MAMLD1: variants seen among roughly 807,000 people sequenced by gnomAD.
MAMLD1 encodes mastermind like domain containing 1, also known as mastermind-like domain-containing protein 1.
MAMLD1 carries 14 observed loss-of-function variants against 45.0 expected under a neutral mutation model. That is an observed-to-expected ratio of 0.31 (90% CI 0.21 to 0.49). The LOEUF (loss-of-function observed/expected upper bound fraction) is 0.49, where lower values mean the gene tolerates loss of function less well. Ranked by LOEUF, MAMLD1 falls within the 20% of genes least tolerant of loss-of-function variation. MAMLD1 has a pLI of 0.99. For missense variants in MAMLD1, 543 were observed against 603.6 expected, an observed-to-expected ratio of 0.90 and a Z score of 1.05; for synonymous variants, 254 against 247.8, an observed-to-expected ratio of 1.02 and a Z score of -0.24.
In MAMLD1 at chrX:150,481,106, C is replaced by T. The variant is rs186914505; in HGVS notation, c.2040+7304C>T. ...CAGATGAAGGTGGACTACTCATTTG[C>T]AATTGTGATTAATGATCATTTATTT... is the stretch of plus-strand genomic sequence containing the variant. On this transcript the variant is annotated intron_variant, in intron 5 of 7. Transcript: ENST00000370401. 2.0e-3 allele frequency among the ~76,000 whole-genome samples: 227 copies of T among 112,904 alleles called. 2 individuals carry two copies. The highest frequency in any genetic ancestry group is 7.1e-3 in the African/African-American group (220 of 31,123).
At chrX:150,504,119 C>T in intron 6 of MAMLD1, 1 of 752,822 alleles carries the variant, frequency 1.3e-6, no homozygotes. Flanking sequence ...CAAGCTTGTC[C>T]AAGAGGCCTG....
intron 1 of MAMLD1, among the ~76,000 whole-genome samples, chrX:150,388,724 A>C (rs1013460833): frequency 9.0e-6 from 1 of 110,517 alleles, no homozygotes; most frequent in Non-Finnish European, 1.9e-5. Flanking sequence ...CTCTCTTTTC[A>C]ATCTTGCTAG....
At chrX:150,436,359 A>G (rs782517510) in intron 1 of MAMLD1, among the ~76,000 whole-genome samples, 15 of 111,852 alleles carry the variant, frequency 1.3e-4, no homozygotes, top group Non-Finnish European at 2.6e-4. Flanking sequence ...AGGGATGCCA[A>G]TGAGTCATAG....
In MAMLD1 at chrX:150,376,053, G is replaced by A. The variant is rs1322657624; in HGVS notation, c.-64+12523G>A. Among the ~76,000 whole-genome samples the A allele has an allele frequency of 2.7e-5, 3 of 111,265 alleles. No homozygotes were observed. In the East Asian group the frequency reaches 8.5e-4, roughly 32 times the overall value. On this transcript the variant is annotated intron_variant, in intron 1 of 7. Transcript: ENST00000370401. Reference sequence around the variant, plus strand: ...TTCAGCTTTGATACCAACTAGCCATGGCACTTGGGGCAAGCTATTTCCTCA... The same window carrying A: ...TTCAGCTTTGATACCAACTAGCCATAGCACTTGGGGCAAGCTATTTCCTCA...
intron 1 of MAMLD1, among the ~76,000 whole-genome samples, chrX:150,366,544 G>T (rs1443550781): frequency 1.8e-5 from 2 of 112,473 alleles, no homozygotes; most frequent in Non-Finnish European, 3.8e-5. Context: ...AAGCTGAAAT[G>T]GCCTTGAACC....
chrX:150,411,109 C>T (rs918466809), intron 1 of MAMLD1, among the ~76,000 whole-genome samples: 5 of 111,685 alleles, frequency 4.5e-5, no homozygotes, highest in African/African-American at 1.6e-4. Flanking sequence ...GAGTCTAAAG[C>T]CTCTCCTGCA....
intron 6 of MAMLD1, chrX:150,505,074 T>C: frequency 1.3e-6 from 1 of 754,018 alleles, no homozygotes; most frequent in South Asian, 6.7e-5. Context: ...TCATAGATCA[T>C]GTGGGAAGAC....
Position 150,471,143 on chromosome X carries a change from C to G in MAMLD1, c.1570C>G (p.Gln524Glu). ...CAAAACCCTGAGCATGATCATGCAG[C>G]AGGGGATGGCAAGCTCCAGCCCAGG... ...SSKTLSMIMQ[Q>E]GMASSSPGAT... is the part of the protein sequence containing the mutation. The change falls in exon 4 of 8, where the codon CAG becomes GAG. Residue 524 changes from glutamine (Q) to glutamate (E), a missense_variant. By Grantham distance (29) the Gln-to-Glu change is conservative. Transcript: ENST00000370401. 1 of 1,211,556 alleles carries G rather than the reference C, an allele frequency of 8.3e-7. No individual in the cohort carries two copies. The highest frequency in any genetic ancestry group is 1.1e-6 in the Non-Finnish European group (1 of 895,427).
At chrX:150,472,865 C>A (rs2036471704) in intron 4 of MAMLD1, among the ~76,000 whole-genome samples, 1 of 112,151 alleles carries the variant, frequency 8.9e-6, no homozygotes, top group Non-Finnish European at 1.9e-5. Context: ...AATACTCAGT[C>A]ACCATCTACC....
intron 1 of MAMLD1, among the ~76,000 whole-genome samples, chrX:150,384,148 A>G (rs987059808): frequency 1.8e-5 from 2 of 111,988 alleles, no homozygotes; most frequent in African/African-American, 6.5e-5. Context: ...GAATTTTTGC[A>G]TCATATGGTA....
intron 1 of MAMLD1, among the ~76,000 whole-genome samples, chrX:150,403,927 CAGAG>C (rs1264451261): frequency 2.2e-4 from 8 of 36,402 alleles, no homozygotes; most frequent in African/African-American, 6.3e-4. Flanking sequence ...GAAAGAAAGA[CAGAG>C]AAAGAAAGAA....
At chrX:150,477,402 C>G (rs1004224241) in intron 5 of MAMLD1, among the ~76,000 whole-genome samples, 8 of 112,265 alleles carry the variant, frequency 7.1e-5, no homozygotes, top group African/African-American at 2.3e-4. Context: ...GCTCAGCATC[C>G]AGGCTCCTCT....
At chrX:150,406,571 T>C (rs1465973267) in intron 1 of MAMLD1, among the ~76,000 whole-genome samples, 2 of 111,757 alleles carry the variant, frequency 1.8e-5, no homozygotes, top group African/African-American at 6.5e-5. Flanking sequence ...ACCCCCACCA[T>C]TGATATTTTT....
intron 5 of MAMLD1, among the ~76,000 whole-genome samples, chrX:150,481,942 GAAAA>G (rs1479597676): frequency 2.3e-5 from 2 of 87,308 alleles, no homozygotes; most frequent in African/African-American, 9.2e-5. Flanking sequence ...AAGAAAGAAA[GAAAA>G]AAGAAAGAAA....
At chrX:150,509,682 T>C in intron 6 of MAMLD1, 1 of 362,092 alleles carries the variant, frequency 2.8e-6, no homozygotes, top group East Asian at 4.9e-5. Context: ...CCAAAATGCC[T>C]AAAACTTTTT....
At chrX:150,501,783 A>G (rs953598686) in intron 5 of MAMLD1, among the ~76,000 whole-genome samples, 1 of 112,359 alleles carries the variant, frequency 8.9e-6, no homozygotes. Context: ...TACTTTTCTT[A>G]ATGGCACATT....
At chrX:150,377,638 C>A (rs2032388647) in intron 1 of MAMLD1, among the ~76,000 whole-genome samples, 1 of 111,455 alleles carries the variant, frequency 9.0e-6, no homozygotes, top group Non-Finnish European at 1.9e-5. Flanking sequence ...GATCTCAATA[C>A]CTTCTCCCTA....
Position 150,512,916 on chromosome X carries a change from T to G in MAMLD1, c.*957T>G. Reference sequence around the variant, plus strand: ...TCACCTGACTGCAATGAGGTAGATTTCATTGAAGCTCTCTTGAAAGGCTCC... The same window carrying G: ...TCACCTGACTGCAATGAGGTAGATTGCATTGAAGCTCTCTTGAAAGGCTCC... On this transcript the variant is annotated 3_prime_UTR_variant, in exon 8 of 8. Coordinates refer to ENST00000370401, the MANE Select transcript of MAMLD1 (RefSeq NM_005491.5). 1 of 1,155,835 alleles carries G rather than the reference T, an allele frequency of 8.7e-7. No homozygotes were observed. The highest frequency in any genetic ancestry group is 1.1e-6 in the Non-Finnish European group (1 of 872,741).
intron 1 of MAMLD1, among the ~76,000 whole-genome samples, chrX:150,443,515 G>A (rs994827063): frequency 8.8e-5 from 9 of 102,169 alleles, no homozygotes; most frequent in South Asian, 4.8e-4. Flanking sequence ...CCATTAACTC[G>A]TCATTTAGCA....
Sources: allele counts gnomAD v4.1 joint callset (sites outside exome capture counted in the v4.1 genomes callset), GRCh38; gene constraint gnomAD v4.1.1; transcripts MANE v1.5; gene names NCBI Gene and HGNC (gene_info 2026-07-23, HGNC 2026-07-21).